Variants in TMEM108 observed in about 807,000 individuals in gnomAD.
The protein encoded by TMEM108 is cancer/testis antigen 124.
A neutral mutation model predicts 35.1 loss-of-function variants in TMEM108; 12 were observed. That is an observed-to-expected ratio of 0.34 (90% CI 0.22 to 0.55). The LOEUF (loss-of-function observed/expected upper bound fraction) is 0.55. TMEM108 is among the 20% of genes least tolerant of loss of function. The pLI, the probability that TMEM108 is intolerant of heterozygous loss-of-function variation, is 0.89. For missense variants in TMEM108, 680 were observed against 753.3 expected (o/e 0.90, Z 1.14); for synonymous variants, 287 against 308.6 (o/e 0.93, Z 0.73).
intron 4 of TMEM108, chr3:133,388,475 T>G: frequency 1.0e-6 from 1 of 985,394 alleles, no homozygotes; most frequent in Non-Finnish European, 1.2e-6. Context: ...AAGAAAGGGT[T>G]TTTTGGAAGG....
At chr3:133,067,312 T>A (rs1168717345) in intron 2 of TMEM108, among the ~76,000 whole-genome samples, 1 of 152,214 alleles carries the variant, frequency 6.6e-6, no homozygotes, top group Non-Finnish European at 1.5e-5. Flanking sequence ...TTTTTGATAT[T>A]TGCCCATCTG....
intron 2 of TMEM108, among the ~76,000 whole-genome samples, chr3:133,077,667 T>G (rs1943758596): frequency 6.6e-6 from 1 of 152,204 alleles, no homozygotes; most frequent in Non-Finnish European, 1.5e-5. Context: ...GAAAGCACTT[T>G]CCCTTTTCTG....
intron 2 of TMEM108, among the ~76,000 whole-genome samples, chr3:133,161,589 G>A (rs536643004): frequency 1.3e-5 from 2 of 152,140 alleles, no homozygotes; most frequent in South Asian, 2.1e-4. Flanking sequence ...AAACAAAAAT[G>A]TGAAAATATA....
intron 2 of TMEM108, among the ~76,000 whole-genome samples, chr3:133,209,228 G>A (rs910589187): frequency 1.4e-5 from 2 of 144,918 alleles, no homozygotes; most frequent in Admixed American, 1.4e-4. Context: ...TTTTTTTAAG[G>A]AATGGGGTTT....
At chr3:133,210,593 T>C (rs540251874) in intron 2 of TMEM108, among the ~76,000 whole-genome samples, 1 of 152,172 alleles carries the variant, frequency 6.6e-6, no homozygotes, top group Non-Finnish European at 1.5e-5. Context: ...AGCCTTCCAG[T>C]CATCAAAGCA....
chr3:133,133,791 C>T (rs1422385897), intron 2 of TMEM108, among the ~76,000 whole-genome samples: 5 of 150,496 alleles, frequency 3.3e-5, no homozygotes, highest in Non-Finnish European at 5.9e-5. Context: ...CCCAGGTTCA[C>T]GCCATTCTAT....
At chr3:133,069,580 G>C (rs989502935) in intron 2 of TMEM108, among the ~76,000 whole-genome samples, 2 of 152,090 alleles carry the variant, frequency 1.3e-5, no homozygotes, top group Non-Finnish European at 2.9e-5. Context: ...TAAAACCCAA[G>C]CTGTTCTCCT....
chr3:133,063,796 TAC>T (rs956679972), intron 2 of TMEM108, among the ~76,000 whole-genome samples: 27 of 152,210 alleles, frequency 1.8e-4, no homozygotes, highest in African/African-American at 6.0e-4. Flanking sequence ...GGTGGTCTTA[TAC>T]AGAGCACATA....
rs934660871 is a variant in TMEM108, at chr3:133,200,006, C to A, written c.-46-29260C>A. 2.0e-5 allele frequency among the ~76,000 whole-genome samples: 3 copies of A among 152,142 alleles called. No homozygotes were observed. The South Asian group carries it at 6.2e-4, about 32-fold the overall frequency. Reference sequence around the variant, plus strand: ...CCAGCCTCACTGCCACCTTGCAGTTCGATCTCAGACTGCTGTGCTAGCAGT... The same window carrying A: ...CCAGCCTCACTGCCACCTTGCAGTTAGATCTCAGACTGCTGTGCTAGCAGT... On this transcript the variant is annotated intron_variant, in intron 2 of 5. Coordinates refer to ENST00000321871, the MANE Select transcript of TMEM108 (RefSeq NM_023943.4).
At chr3:133,200,871 A>G (rs954280676) in intron 2 of TMEM108, among the ~76,000 whole-genome samples, 1 of 152,222 alleles carries the variant, frequency 6.6e-6, no homozygotes, top group Non-Finnish European at 1.5e-5. Context: ...TAGTTAAACT[A>G]AACATGTTTG....
intron 3 of TMEM108, among the ~76,000 whole-genome samples, chr3:133,296,264 A>G (rs1182163652): frequency 6.6e-6 from 1 of 152,234 alleles, no homozygotes; most frequent in East Asian, 1.9e-4. Flanking sequence ...AAAGCTGTCA[A>G]ATTGGTGGAG....
At chr3:133,109,009 G>A (rs953279580) in intron 2 of TMEM108, among the ~76,000 whole-genome samples, 9 of 152,198 alleles carry the variant, frequency 5.9e-5, no homozygotes, top group Non-Finnish European at 1.2e-4. Context: ...AAAGTTGTTC[G>A]TGAAGATGAC....
intron 2 of TMEM108, among the ~76,000 whole-genome samples, chr3:133,168,242 T>C (rs1331923945): frequency 6.6e-6 from 1 of 152,200 alleles, no homozygotes; most frequent in African/African-American, 2.4e-5. Context: ...ATTTTATTTT[T>C]GGTTTACACA....
At chr3:133,300,204 C>T (rs1342446761) in intron 3 of TMEM108, among the ~76,000 whole-genome samples, 1 of 151,912 alleles carries the variant, frequency 6.6e-6, no homozygotes, top group Non-Finnish European at 1.5e-5. Context: ...TGGTCCTGAC[C>T]ACATTTAAGA....
At chr3:133,272,570 T>G (rs1946788058) in intron 3 of TMEM108, among the ~76,000 whole-genome samples, 1 of 151,946 alleles carries the variant, frequency 6.6e-6, no homozygotes, top group African/African-American at 2.4e-5. Flanking sequence ...TCTATGCAAT[T>G]TTTATGGTAC....
chr3:133,352,828 T>C (rs2072044294), intron 3 of TMEM108, among the ~76,000 whole-genome samples: 1 of 152,122 alleles, frequency 6.6e-6, no homozygotes, highest in African/African-American at 2.4e-5. Flanking sequence ...GATGGAGGCT[T>C]CATTACATAG....
intron 1 of TMEM108, among the ~76,000 whole-genome samples, chr3:133,040,261 T>C (rs1238889826): frequency 6.7e-6 from 1 of 149,330 alleles, no homozygotes; most frequent in Non-Finnish European, 1.5e-5. Context: ...TGGAGTGCAG[T>C]GGTGCGATCT....
intron 2 of TMEM108, among the ~76,000 whole-genome samples, chr3:133,097,616 A>G (rs1269470663): frequency 6.6e-6 from 1 of 152,198 alleles, no homozygotes; most frequent in African/African-American, 2.4e-5. Context: ...TATTATAGTA[A>G]TATCTGTTAT....
chr3:133,345,184 C>G (rs1289909860), intron 3 of TMEM108, among the ~76,000 whole-genome samples: 1 of 151,654 alleles, frequency 6.6e-6, no homozygotes, highest in African/African-American at 2.4e-5. Flanking sequence ...AAAGATACAG[C>G]AATCTGAAAC....
Sources: allele counts gnomAD v4.1 joint callset (sites outside exome capture counted in the v4.1 genomes callset), GRCh38; gene constraint gnomAD v4.1.1; transcripts MANE v1.5; gene names NCBI Gene and HGNC (gene_info 2026-07-23, HGNC 2026-07-21).